The following CDH12 variants were observed in gnomAD, a reference collection of about 807,000 sequenced individuals.
CDH12 encodes the protein cadherin-12.
CDH12 carries 41 observed loss-of-function variants against 74.1 expected under a neutral mutation model. The ratio of observed to expected loss-of-function variants is 0.55; its 90% CI spans 0.43 to 0.72. The LOEUF is 0.72. Among genes scored for constraint, CDH12 ranks in the 30% least tolerant of loss-of-function variants. The pLI is 0.00. For missense variants in CDH12, 945 were observed against 977.2 expected, an observed-to-expected ratio of 0.97 and a Z score of 0.44; for synonymous variants, 399 against 355.0, an observed-to-expected ratio of 1.12 and a Z score of -1.39.
intron 1 of CDH12, among the ~76,000 whole-genome samples, chr5:22,602,894 G>A (rs567486741): frequency 1.3e-5 from 2 of 152,134 alleles, no homozygotes; most frequent in Non-Finnish European, 2.9e-5. Context: ...AAGGGAAAAT[G>A]TTCTTTATTG....
At chr5:22,500,438 G>T (rs1360169367) in intron 2 of CDH12, among the ~76,000 whole-genome samples, 1 of 152,044 alleles carries the variant, frequency 6.6e-6, no homozygotes, top group East Asian at 1.9e-4. Context: ...TTCATAGACT[G>T]CCCCAGAAGA....
At chr5:21,817,682 A>G (rs1385758915) in intron 8 of CDH12, among the ~76,000 whole-genome samples, 1 of 152,010 alleles carries the variant, frequency 6.6e-6, no homozygotes. Context: ...CTAGTCGATG[A>G]TAGATTGAAA....
At chr5:22,426,975 A>T (rs1743965258) in intron 2 of CDH12, among the ~76,000 whole-genome samples, 1 of 151,370 alleles carries the variant, frequency 6.6e-6, no homozygotes, top group South Asian at 2.1e-4. Context: ...TCTACCCTCT[A>T]TCTCTTTTTC....
intron 5 of CDH12, among the ~76,000 whole-genome samples, chr5:22,029,264 G>T (rs1380881125): frequency 1.7e-4 from 26 of 152,044 alleles, no homozygotes; most frequent in Non-Finnish European, 3.7e-4. Context: ...TGACAAATGG[G>T]ATCTAATTAA....
intron 5 of CDH12, among the ~76,000 whole-genome samples, chr5:22,039,368 C>T (rs1358235667): frequency 6.6e-6 from 1 of 152,044 alleles, no homozygotes; most frequent in Admixed American, 6.6e-5. Context: ...GAGTCACAGA[C>T]CCCAGCTCTT....
chr5:21,931,705 T>C (rs1416256621), intron 6 of CDH12, among the ~76,000 whole-genome samples: 1 of 152,234 alleles, frequency 6.6e-6, no homozygotes. Context: ...CATAATGCAC[T>C]AATTCCAAAA....
intron 4 of CDH12, among the ~76,000 whole-genome samples, chr5:22,116,660 T>C (rs1745128765): frequency 6.7e-6 from 1 of 150,254 alleles, no homozygotes; most frequent in Non-Finnish European, 1.5e-5. Context: ...CCCGGGCCAA[T>C]ACGTTGGTTT....
chr5:21,960,551 G>A (rs2547596), intron 6 of CDH12, among the ~76,000 whole-genome samples: 5 of 152,132 alleles, frequency 3.3e-5, no homozygotes, highest in African/African-American at 7.2e-5. Flanking sequence ...ACCAATTACC[G>A]TTCCCTTGTA....
At chr5:22,777,794 T>A (rs1747177518) in intron 1 of CDH12, among the ~76,000 whole-genome samples, 1 of 152,138 alleles carries the variant, frequency 6.6e-6, no homozygotes, top group Admixed American at 6.6e-5. Flanking sequence ...TTAATTTGCT[T>A]ATGTTGATTT....
At chr5:22,674,424 A>T (rs571914094) in intron 1 of CDH12, among the ~76,000 whole-genome samples, 1 of 152,196 alleles carries the variant, frequency 6.6e-6, no homozygotes, top group Non-Finnish European at 1.5e-5. Flanking sequence ...GCCATGTGGA[A>T]CGGTAAGTCC....
At chr5:22,247,611 G>A (rs1752995359) in intron 3 of CDH12, among the ~76,000 whole-genome samples, 1 of 151,972 alleles carries the variant, frequency 6.6e-6, no homozygotes. Context: ...GGAGACAGAG[G>A]CTGCAGTGAG....
chr5:22,321,925 CTG>C (rs1420361315), intron 3 of CDH12, among the ~76,000 whole-genome samples: 3 of 152,104 alleles, frequency 2.0e-5, no homozygotes, highest in African/African-American at 4.8e-5. Context: ...AGACCAAAAT[CTG>C]TGTCTCTAAT....
At chr5:21,981,117 T>C (rs1312005844) in intron 5 of CDH12, among the ~76,000 whole-genome samples, 1 of 152,148 alleles carries the variant, frequency 6.6e-6, no homozygotes, top group Non-Finnish European at 1.5e-5. Context: ...GTTCTTTAAT[T>C]ATAAATTCGA....
chr5:22,420,419 T>C (rs1226015536), intron 2 of CDH12, among the ~76,000 whole-genome samples: 1 of 152,220 alleles, frequency 6.6e-6, no homozygotes, highest in African/African-American at 2.4e-5. Context: ...AGCACCATTA[T>C]TAAATAGAGA....
intron 6 of CDH12, among the ~76,000 whole-genome samples, chr5:21,933,309 G>C (rs7449441): frequency 0.72 from 109,783 of 152,048 alleles, 43,331 homozygotes; most frequent in East Asian, 0.93. Flanking sequence ...CTAATAGGCT[G>C]TATATCCTAA....
At chr5:22,340,396 G>A (rs1381940603) in intron 3 of CDH12, among the ~76,000 whole-genome samples, 1 of 151,928 alleles carries the variant, frequency 6.6e-6, no homozygotes, top group African/African-American at 2.4e-5. Flanking sequence ...ACGTGGTGGC[G>A]GGTGCCTGTA....
rs575360259 is a variant in CDH12, at chr5:21,765,118, G to A, written c.1394-19C>T. 19 of 1,494,330 alleles carry A rather than the reference G, an allele frequency of 1.3e-5. No individual in the cohort carries two copies. The East Asian group carries it at 3.9e-4, about 31-fold the overall frequency. 92.6% of individuals were successfully genotyped at this position (1,494,330 alleles called of 1,614,324 possible). On this transcript the variant is annotated intron_variant, in intron 11 of 14. Transcript: ENST00000382254. ...GGGTTACCTGTTAAAAACATATAAA[G>A]ATAAAAGATGATTACAAAATCCGGT... is the stretch of plus-strand genomic sequence containing the variant.
At chr5:22,139,467 A>T (rs1746666111) in intron 4 of CDH12, 1 of 122,382 alleles carries the variant, frequency 8.2e-6, no homozygotes, top group African/African-American at 3.2e-5. Flanking sequence ...CATAATTTGC[A>T]CAAAAAGAAA....
chr5:22,724,778 C>A (rs1744079811), intron 1 of CDH12, among the ~76,000 whole-genome samples: 1 of 151,742 alleles, frequency 6.6e-6, no homozygotes. Context: ...CTAATAATTT[C>A]TCTATTTTTA....
Sources: gnomAD v4.1 joint callset for allele counts (sites outside exome capture counted in the v4.1 genomes callset) on GRCh38, gnomAD v4.1.1 for gene constraint, MANE v1.5 for transcripts, NCBI Gene and HGNC (gene_info 2026-07-23, HGNC 2026-07-21) for gene names.